TMIGD1: variants seen among roughly 807,000 people sequenced by gnomAD.
TMIGD1 encodes transmembrane and immunoglobulin domain-containing protein 1.
TMIGD1 carries 29 observed loss-of-function variants against 27.5 expected under a neutral mutation model. The ratio of observed to expected loss-of-function variants is 1.05; its 90% CI spans 0.78 to 1.44. The LOEUF is 1.44. Among genes scored for constraint, TMIGD1 ranks in the 40% most tolerant of loss-of-function variants. The pLI, the probability that TMIGD1 is intolerant of heterozygous loss-of-function variation, is 0.00. For synonymous variants in TMIGD1, 109 were observed against 110.3 expected (o/e 0.99, Z 0.07); for missense variants, 334 against 310.6 (o/e 1.08, Z -0.57).
chr17:30,318,965 A>G, intron 4 of TMIGD1, 52 bp from the exon 5 acceptor site: 1 of 1,297,142 alleles, frequency 7.7e-7, no homozygotes, highest in Non-Finnish European at 1.1e-6. Context: ...TATACTTCCA[A>G]TACGTCCCAG....
chr17:30,323,863 C>A (rs1909692300), intron 4 of TMIGD1, among the ~76,000 whole-genome samples: 1 of 152,096 alleles, frequency 6.6e-6, no homozygotes, highest in African/African-American at 2.4e-5. Context: ...TAGTGCTCCG[C>A]AGGACGAATT....
intron 2 of TMIGD1, among the ~76,000 whole-genome samples, chr17:30,330,361 T>C (rs1437207195): frequency 6.6e-6 from 1 of 152,132 alleles, no homozygotes. Flanking sequence ...CATATACACA[T>C]ACCATATTTA....
intron 3 of TMIGD1, among the ~76,000 whole-genome samples, chr17:30,326,106 A>G (rs1296297435): frequency 6.6e-6 from 1 of 152,108 alleles, no homozygotes; most frequent in East Asian, 1.9e-4. Context: ...GAAGAATGAC[A>G]TTTTGTTGCT....
At chr17:30,332,621 G>A (rs1056930947) in intron 1 of TMIGD1, among the ~76,000 whole-genome samples, 8 of 152,084 alleles carry the variant, frequency 5.3e-5, no homozygotes, top group African/African-American at 1.7e-4. Context: ...TGGTGTGTAC[G>A]TAGAAAAGCC....
intron 2 of TMIGD1, 62 bp downstream of exon 2, chr17:30,331,990 C>A: frequency 8.7e-7 from 1 of 1,147,942 alleles, no homozygotes; most frequent in African/African-American, 1.5e-5. Context: ...GCCCATTGAT[C>A]ACTTTTCTTA....
chr17:30,320,853 G>A (rs993071316), intron 4 of TMIGD1, among the ~76,000 whole-genome samples: 2 of 152,022 alleles, frequency 1.3e-5, no homozygotes, highest in African/African-American at 2.4e-5. Context: ...AGGCAACATA[G>A]TGAGACCCTT....
At chr17:30,318,285 T>C (rs973378373) in intron 5 of TMIGD1, among the ~76,000 whole-genome samples, 1 of 152,148 alleles carries the variant, frequency 6.6e-6, no homozygotes, top group African/African-American at 2.4e-5. Context: ...TGGCACTGAA[T>C]TAGCTGGCAG....
At chr17:30,317,128 TGA>T in intron 6 of TMIGD1, 63 bp downstream of exon 6, 2 of 1,530,796 alleles carry the variant, frequency 1.3e-6, no homozygotes, top group Non-Finnish European at 1.8e-6. Flanking sequence ...TTGTCTAGAG[TGA>T]TGCATATCAC....
chr17:30,324,809 G>A lies in TMIGD1; in HGVS notation c.640+7C>T, dbSNP rs139045165. 820 of 1,613,252 alleles carry A rather than the reference G, an allele frequency of 5.1e-4. 3 individuals carry two copies. The African/African-American group carries it at 0.01, about 20-fold the overall frequency. On this transcript the variant is annotated splice_region_variant and intron_variant, in intron 4 of 6. Coordinates refer to ENST00000328886, the MANE Select transcript of TMIGD1 (RefSeq NM_206832.3). Reference sequence around the variant, plus strand: ...CTGTGCTGGGTATTACTTAAAAAGAGCATTACCTTTAACAATCAGGTGAAA... The same window carrying A: ...CTGTGCTGGGTATTACTTAAAAAGAACATTACCTTTAACAATCAGGTGAAA...
In TMIGD1 at chr17:30,318,730, T is replaced by A; in HGVS notation, c.744+80A>T. On this transcript the variant is annotated intron_variant, in intron 5 of 6. Coordinates refer to ENST00000328886, the MANE Select transcript of TMIGD1 (RefSeq NM_206832.3). ...GACTTTGCCAAGAAGGGTTCCTAACTGAAGTCACTTATATTTCTAGCTTTC... is the reference window on the plus strand; with the variant it reads ...GACTTTGCCAAGAAGGGTTCCTAACAGAAGTCACTTATATTTCTAGCTTTC... The A allele has an allele frequency of 4.7e-6, 5 of 1,058,958 alleles. No homozygotes were observed. In the South Asian group the frequency reaches 6.9e-5, roughly 15 times the overall value. 65.6% of individuals were successfully genotyped at this position (1,058,958 alleles called of 1,614,324 possible).
intron 4 of TMIGD1, among the ~76,000 whole-genome samples, chr17:30,322,080 G>A (rs995096384): frequency 1.4e-4 from 21 of 151,966 alleles, no homozygotes; most frequent in African/African-American, 2.9e-4. Flanking sequence ...CCTCCCGCTC[G>A]GTCTCCCAAA....
At chr17:30,322,725 C>T (rs1909658783) in intron 4 of TMIGD1, among the ~76,000 whole-genome samples, 1 of 152,148 alleles carries the variant, frequency 6.6e-6, no homozygotes, top group African/African-American at 2.4e-5. Context: ...TGGTCTCAAA[C>T]CGCTGACCTC....
chr17:30,328,766 G>A (rs751872529), intron 3 of TMIGD1, among the ~76,000 whole-genome samples: 3 of 151,954 alleles, frequency 2.0e-5, no homozygotes, highest in Non-Finnish European at 4.4e-5. Context: ...GACCAGCCTG[G>A]CCAACATGGT....
At chr17:30,319,261 A>AAAAAAAAAAAAAAAAAAAAAAAT in intron 4 of TMIGD1, among the ~76,000 whole-genome samples, 1 of 69,068 alleles carries the variant, frequency 1.4e-5, no homozygotes. Flanking sequence ...AAAAAAAAAA[A>AAAAAAAAAAAAAAAAAAAAAAAT]ATATATATAT....
At chr17:30,327,408 C>A (rs545648982) in intron 3 of TMIGD1, among the ~76,000 whole-genome samples, 15 of 120,568 alleles carry the variant, frequency 1.2e-4, no homozygotes, top group African/African-American at 6.5e-4. Context: ...CAGAGTGAGA[C>A]CCTGTCTCAA....
At chr17:30,324,116 T>C (rs1909698709) in intron 4 of TMIGD1, among the ~76,000 whole-genome samples, 1 of 152,178 alleles carries the variant, frequency 6.6e-6, no homozygotes, top group African/African-American at 2.4e-5. Context: ...TAACAAGATA[T>C]GGGAGTCTCA....
intron 1 of TMIGD1, among the ~76,000 whole-genome samples, 152 bp downstream of exon 1, chr17:30,333,848 C>T (rs1316387357): frequency 6.6e-6 from 1 of 151,996 alleles, no homozygotes; most frequent in Admixed American, 6.6e-5. Context: ...CTTGCCAGAC[C>T]TCACCCAGCC....
chr17:30,324,879 A>G lies in TMIGD1; in HGVS notation c.577T>C (p.Tyr193His), dbSNP rs2143157579. 1 of 1,614,204 alleles carries G rather than the reference A, an allele frequency of 6.2e-7. No individual in the cohort carries two copies. The highest frequency in any genetic ancestry group is 2.2e-5 in the East Asian group (1 of 44,892). The change falls in exon 4 of 7, where the codon TAC becomes CAC. Residue 193 changes from tyrosine (Y) to histidine (H), a missense_variant. Coordinates refer to ENST00000328886, the MANE Select transcript of TMIGD1 (RefSeq NM_206832.3). ...TKVEKPDNGT[Y>H]SCIAKSSLKT... is the part of the protein sequence containing the mutation. ...AGAGATGACTTTGCAATACAACTGT[A>G]GGTTCCGTTGTCAGGCTTCTCGACT...
intron 3 of TMIGD1, among the ~76,000 whole-genome samples, chr17:30,328,444 A>G (rs562791287): frequency 6.6e-6 from 1 of 152,334 alleles, no homozygotes; most frequent in African/African-American, 2.4e-5. Context: ...AAAGAACAAT[A>G]AAAATTTTCA....
Sources: allele counts gnomAD v4.1 joint callset (sites outside exome capture counted in the v4.1 genomes callset), GRCh38; gene constraint gnomAD v4.1.1; transcripts MANE v1.5; gene names NCBI Gene and HGNC (gene_info 2026-07-23, HGNC 2026-07-21).